Variants in SLC44A3 observed in about 807,000 individuals in gnomAD.
SLC44A3 encodes solute carrier family 44 member 3.
Under a neutral mutation model 75.4 loss-of-function variants are expected in SLC44A3, and 74 were observed. The observed-to-expected ratio is 0.98, with a 90% CI of 0.81 to 1.19. SLC44A3 has a LOEUF of 1.19. Ranked by LOEUF, SLC44A3 falls within the 50% of genes most tolerant of loss-of-function variation. SLC44A3 has a pLI of 0.00. For synonymous variants in SLC44A3, 310 were observed against 296.9 expected (o/e 1.04, Z -0.45); for missense variants, 700 against 778.6 (o/e 0.90, Z 1.20).
chr1:94,890,665 C>T (rs1305888464), intron 12 of SLC44A3, among the ~76,000 whole-genome samples: 2 of 152,148 alleles, frequency 1.3e-5, no homozygotes, highest in Non-Finnish European at 2.9e-5. Context: ...TCCTTTCCTG[C>T]CCTCAAACTC....
chr1:94,848,670 C>T (rs1222157745), intron 9 of SLC44A3, among the ~76,000 whole-genome samples: 1 of 152,088 alleles, frequency 6.6e-6, no homozygotes, highest in Non-Finnish European at 1.5e-5. Context: ...AGGCGCTGAG[C>T]ACGGCACTAG....
Position 94,857,440 on chromosome 1 carries a change from T to A in SLC44A3, c.1178T>A (p.Phe393Tyr), listed in dbSNP as rs370929269. 2.5e-5 allele frequency: 40 copies of A among 1,613,970 alleles called. No individual in the cohort carries two copies. The highest frequency in any genetic ancestry group is 2.7e-5 in the African/African-American group (2 of 74,934). ...HLIGLIWTSE[F>Y]ILACQQMTIA... ...ATTGGCCTCATCTGGACTAGTGAAT[T>A]CATCCTTGCGTGCCAGCAAATGACT... The change falls in exon 10 of 15, where the codon TTC (phenylalanine) becomes TAC (tyrosine). Residue 393 changes from phenylalanine (F) to tyrosine (Y), a missense_variant. By Grantham distance (22) the Phe-to-Tyr change is conservative. Transcript: ENST00000271227.
intron 9 of SLC44A3, among the ~76,000 whole-genome samples, chr1:94,854,422 A>G (rs537245135): frequency 6.6e-6 from 1 of 152,294 alleles, no homozygotes; most frequent in Non-Finnish European, 1.5e-5. Context: ...CCATCCCCTG[A>G]GATCTGTCAT....
chr1:94,825,357 C>G (rs3936924), intron 3 of SLC44A3, among the ~76,000 whole-genome samples: 147,158 of 152,318 alleles, frequency 0.97, 71,277 homozygotes, highest in Non-Finnish European at 1. Context: ...TTGAGACAGA[C>G]TCTCATTCTG....
Position 94,857,329 on chromosome 1 carries a change from CTTT to C in SLC44A3, c.1073-5_1073-3del. 6.3e-7 allele frequency: 1 copy of C among 1,593,832 alleles called. No individual in the cohort carries two copies. Among genetic ancestry groups the C allele is most frequent in the East Asian group, 2.3e-5 (1 of 44,220 alleles). ...GTGTAAAGCATGTTTGTGTTTGAAA[CTTT>C]AGGAGCTGCCCAGGTTATGGAAGGC... On this transcript the variant is annotated splice_region_variant and splice_polypyrimidine_tract_variant and intron_variant, in intron 9 of 14. Transcript: ENST00000271227.
chr1:94,826,544 A>G (rs1661369360), intron 3 of SLC44A3, among the ~76,000 whole-genome samples: 1 of 151,892 alleles, frequency 6.6e-6, no homozygotes, highest in Non-Finnish European at 1.5e-5. Context: ...CCAGCTACTC[A>G]GGAGGCTGAT....
At chr1:94,826,976 C>T (rs1211103420) in intron 3 of SLC44A3, among the ~76,000 whole-genome samples, 1 of 152,184 alleles carries the variant, frequency 6.6e-6, no homozygotes, top group African/African-American at 2.4e-5. Flanking sequence ...CTCTGCCCTG[C>T]CCCTGGGGAG....
chr1:94,873,758 C>G (rs1458612137), intron 12 of SLC44A3, among the ~76,000 whole-genome samples: 1 of 152,200 alleles, frequency 6.6e-6, no homozygotes, highest in Non-Finnish European at 1.5e-5. Flanking sequence ...TGGCAGATCT[C>G]CAGTGACTCC....
At chr1:94,892,172 C>A in intron 13 of SLC44A3, 109 bp from the exon 14 acceptor site, 1 of 974,574 alleles carries the variant, frequency 1.0e-6, no homozygotes. Context: ...TACAATAGTG[C>A]ACACACACGT....
At chr1:94,822,022 C>T (rs1660671277) in intron 2 of SLC44A3, among the ~76,000 whole-genome samples, 1 of 152,198 alleles carries the variant, frequency 6.6e-6, no homozygotes, top group Admixed American at 6.5e-5. Context: ...CTGGGAGAGA[C>T]AGTGCACCTA....
chr1:94,865,189 G>A (rs12037733), intron 11 of SLC44A3, among the ~76,000 whole-genome samples: 31,567 of 152,064 alleles, frequency 0.21, 3,486 homozygotes, highest in Admixed American at 0.24. Context: ...TTATGTAAAT[G>A]CCAAACAGAC....
chr1:94,841,945 G>C (rs1025457302), intron 7 of SLC44A3, 55 bp from the exon 8 acceptor site: 22 of 1,544,448 alleles, frequency 1.4e-5, no homozygotes, highest in African/African-American at 2.8e-5. Flanking sequence ...TGTGTGCTGG[G>C]GAAAGGTTAC....
chr1:94,828,280 A>G (rs1661646559), intron 4 of SLC44A3, among the ~76,000 whole-genome samples: 2 of 152,216 alleles, frequency 1.3e-5, no homozygotes, highest in Non-Finnish European at 2.9e-5. Context: ...GACCAATCAT[A>G]TAACTTTTAG....
chr1:94,851,908 A>G (rs696620), intron 9 of SLC44A3, among the ~76,000 whole-genome samples: 63,825 of 152,174 alleles, frequency 0.42, 14,750 homozygotes, highest in South Asian at 0.61. Flanking sequence ...GCCATCTATA[A>G]CAATCATTAT....
At chr1:94,871,813 G>A (rs565320331) in intron 12 of SLC44A3, among the ~76,000 whole-genome samples, 80 of 152,310 alleles carry the variant, frequency 5.3e-4, no homozygotes, top group African/African-American at 1.7e-3. Context: ...AAAGTAAAGC[G>A]TGTGTTATTA....
At chr1:94,886,253 C>A (rs1557889926) in intron 12 of SLC44A3, among the ~76,000 whole-genome samples, 1 of 152,160 alleles carries the variant, frequency 6.6e-6, no homozygotes. Flanking sequence ...CGTGGCTCAG[C>A]AGAAGATGGT....
chr1:94,855,892 A>T (rs926398742), intron 9 of SLC44A3, among the ~76,000 whole-genome samples: 8 of 152,264 alleles, frequency 5.3e-5, no homozygotes, highest in Non-Finnish European at 1.0e-4. Context: ...AGACCAGAGC[A>T]TGCATCTTCT....
At chr1:94,827,699 C>T in intron 4 of SLC44A3, 56 bp downstream of exon 4, 2 of 1,581,564 alleles carry the variant, frequency 1.3e-6, no homozygotes, top group Non-Finnish European at 1.7e-6. Flanking sequence ...GCTGTGGGGA[C>T]CTAGATGAGA....
In SLC44A3 at chr1:94,891,113, A is replaced by G. The variant is rs752427417; in HGVS notation, c.1483-17A>G. On this transcript the variant is annotated splice_polypyrimidine_tract_variant and intron_variant, in intron 12 of 14. Transcript: ENST00000271227. ...TGTTATAAGAATTATCTTTTAAACA[A>G]TTCTCTTCTGTTTCAGAATGCATAT... 4.4e-6 allele frequency: 7 copies of G among 1,586,228 alleles called. No homozygotes were observed. Among genetic ancestry groups the G allele is most frequent in the Non-Finnish European group, 5.1e-6 (6 of 1,167,800 alleles).
Sources: allele counts gnomAD v4.1 joint callset (sites outside exome capture counted in the v4.1 genomes callset), GRCh38; gene constraint gnomAD v4.1.1; transcripts MANE v1.5; gene names NCBI Gene and HGNC (gene_info 2026-07-23, HGNC 2026-07-21).